RIMS1: variants seen among roughly 807,000 people sequenced by gnomAD.
The protein encoded by RIMS1 is regulating synaptic membrane exocytosis protein 1.
Under a neutral mutation model 214.1 loss-of-function variants are expected in RIMS1, and 83 were observed. The observed-to-expected ratio is 0.39, with a 90% CI of 0.32 to 0.47. The LOEUF is 0.47. Among genes scored for constraint, RIMS1 ranks in the 20% least tolerant of loss-of-function variants. The probability of loss-of-function intolerance (pLI) is 0.99; values close to 1 mark genes in which losing one functional copy is unlikely to be tolerated. For missense variants in RIMS1, 2,050 were observed against 2,161.8 expected (o/e 0.95, Z 1.03); for synonymous variants, 793 against 786.8 (o/e 1.01, Z -0.13).
intron 1 of RIMS1, among the ~76,000 whole-genome samples, chr6:71,923,201 A>G (rs1780539738): frequency 6.6e-6 from 1 of 152,238 alleles, no homozygotes; most frequent in Non-Finnish European, 1.5e-5. Context: ...TAAACAGTTC[A>G]CAACTTCTTT....
chr6:71,962,797 A>G (rs920148259), intron 1 of RIMS1, among the ~76,000 whole-genome samples: 1 of 152,110 alleles, frequency 6.6e-6, no homozygotes, highest in African/African-American at 2.4e-5. Context: ...ATTGCATTCT[A>G]CTTGTCTTGC....
intron 2 of RIMS1, among the ~76,000 whole-genome samples, chr6:72,009,525 T>G (rs1042459865): frequency 2.0e-5 from 3 of 151,542 alleles, no homozygotes; most frequent in Non-Finnish European, 3.0e-5. Context: ...AAAAAATCAA[T>G]TAATCCAGGA....
intron 6 of RIMS1, among the ~76,000 whole-genome samples, chr6:72,207,633 T>G (rs1396657889): frequency 2.0e-5 from 3 of 152,138 alleles, no homozygotes; most frequent in African/African-American, 7.2e-5. Context: ...GCGTTTGAAC[T>G]GACAAATCAG....
intron 1 of RIMS1, among the ~76,000 whole-genome samples, chr6:71,928,135 A>G (rs1051081956): frequency 6.6e-6 from 1 of 152,164 alleles, no homozygotes; most frequent in Non-Finnish European, 1.5e-5. Flanking sequence ...AAAGTATGTG[A>G]TGATTCCAGA....
intron 2 of RIMS1, among the ~76,000 whole-genome samples, chr6:72,011,326 A>T (rs971599649): frequency 3.9e-5 from 6 of 152,234 alleles, no homozygotes; most frequent in South Asian, 4.1e-4. Flanking sequence ...ACAAAAATTA[A>T]TTCAAGATAG....
chr6:72,076,735 A>AT (rs1287306004), intron 2 of RIMS1, among the ~76,000 whole-genome samples: 1 of 152,028 alleles, frequency 6.6e-6, no homozygotes, highest in Non-Finnish European at 1.5e-5. Flanking sequence ...CTGAAATAAT[A>AT]TTTTACATTG....
intron 11 of RIMS1, among the ~76,000 whole-genome samples, chr6:72,246,776 T>C (rs1399851516): frequency 6.6e-6 from 1 of 152,178 alleles, no homozygotes; most frequent in African/African-American, 2.4e-5. Context: ...ATTTATATTA[T>C]TGATATGATT....
At chr6:72,045,859 T>C (rs1305597787) in intron 2 of RIMS1, among the ~76,000 whole-genome samples, 3 of 151,624 alleles carry the variant, frequency 2.0e-5, no homozygotes, top group African/African-American at 7.3e-5. Flanking sequence ...TGGGTCTTTG[T>C]ATTATTTATT....
At chr6:72,266,113 G>A (rs1447402105) in intron 22 of RIMS1, 64 bp downstream of exon 22, 2 of 1,200,826 alleles carry the variant, frequency 1.7e-6, no homozygotes, top group East Asian at 2.5e-5. Flanking sequence ...CAGTCACTTT[G>A]TTTTGTTTCA....
chr6:72,124,116 G>T (rs954936521), intron 4 of RIMS1, among the ~76,000 whole-genome samples: 1 of 151,872 alleles, frequency 6.6e-6, no homozygotes, highest in East Asian at 1.9e-4. Context: ...GGTCCCAGTT[G>T]TTCCTTTCCG....
At chr6:72,128,098 G>T (rs1400743228) in intron 4 of RIMS1, among the ~76,000 whole-genome samples, 1 of 152,154 alleles carries the variant, frequency 6.6e-6, no homozygotes, top group Non-Finnish European at 1.5e-5. Context: ...GGAGCAAGGT[G>T]CCTGCTGAAG....
At chr6:72,357,114 A>G (rs1216663497) in intron 29 of RIMS1, among the ~76,000 whole-genome samples, 1 of 152,186 alleles carries the variant, frequency 6.6e-6, no homozygotes, top group Non-Finnish European at 1.5e-5. Context: ...CTATTCAGTA[A>G]TTTGTATTGA....
chr6:72,117,421 T>C (rs919531954), intron 4 of RIMS1, among the ~76,000 whole-genome samples: 6 of 152,012 alleles, frequency 3.9e-5, no homozygotes, highest in African/African-American at 9.7e-5. Context: ...TATTGTTTCT[T>C]TGTTGACTTT....
chr6:72,046,069 T>G (rs1390762587), intron 2 of RIMS1, among the ~76,000 whole-genome samples: 3 of 152,042 alleles, frequency 2.0e-5, no homozygotes, highest in Non-Finnish European at 1.5e-5. Flanking sequence ...AAAAGCAAAG[T>G]ATAATATTTT....
intron 2 of RIMS1, among the ~76,000 whole-genome samples, chr6:72,011,526 A>G (rs900338502): frequency 2.6e-5 from 4 of 152,230 alleles, no homozygotes; most frequent in African/African-American, 9.6e-5. Context: ...AGAAACTACC[A>G]TCAGAGTGAA....
At chr6:72,204,609 C>T (rs2052592047) in intron 6 of RIMS1, among the ~76,000 whole-genome samples, 1 of 152,160 alleles carries the variant, frequency 6.6e-6, no homozygotes, top group Non-Finnish European at 1.5e-5. Context: ...TCTTTGAATA[C>T]CCAATTTTAT....
Position 71,886,974 on chromosome 6 carries a change from C to T in RIMS1, c.-50C>T. The T allele has an allele frequency of 1.9e-6, 3 of 1,590,236 alleles. No homozygotes were observed. The highest frequency in any genetic ancestry group is 2.6e-6 in the Non-Finnish European group (3 of 1,167,252). On this transcript the variant is annotated 5_prime_UTR_variant, in exon 1 of 34. Transcript: ENST00000521978. ...GGGGCGCAGCTGCTGGGCGTGCATC[C>T]GAAAGGTGAGAGCCAGAGAGCGAGC...
intron 6 of RIMS1, among the ~76,000 whole-genome samples, chr6:72,194,843 A>T (rs1246518467): frequency 6.6e-6 from 1 of 152,176 alleles, no homozygotes; most frequent in Non-Finnish European, 1.5e-5. Context: ...TTTACAAGTG[A>T]TTGCCATTCA....
chr6:72,036,618 T>A (rs1819688783), intron 2 of RIMS1, among the ~76,000 whole-genome samples: 1 of 152,146 alleles, frequency 6.6e-6, no homozygotes, highest in Non-Finnish European at 1.5e-5. Context: ...ACTTAATAAC[T>A]GAGCTTTGAA....
Sources: gnomAD v4.1 joint callset for allele counts (sites outside exome capture counted in the v4.1 genomes callset) on GRCh38, gnomAD v4.1.1 for gene constraint, MANE v1.5 for transcripts, NCBI Gene and HGNC (gene_info 2026-07-23, HGNC 2026-07-21) for gene names.